Variants in PP2D1 observed in about 807,000 individuals in gnomAD.
PP2D1 encodes protein phosphatase 2C-like domain-containing protein 1.
In PP2D1, 25 loss-of-function variants were observed where a neutral mutation model predicts 30.2. That is an observed-to-expected ratio of 0.83 (90% CI 0.60 to 1.16). The LOEUF (loss-of-function observed/expected upper bound fraction) is 1.16, where lower values mean the gene tolerates loss of function less well. Ranked by LOEUF, PP2D1 falls within the 50% of genes most tolerant of loss-of-function variation. The probability of loss-of-function intolerance (pLI) is 0.00; values close to 1 mark genes in which losing one functional copy is unlikely to be tolerated. For synonymous variants in PP2D1, 260 were observed against 258.9 expected, an observed-to-expected ratio of 1.00 and a Z score of -0.04; for missense variants, 760 against 742.4, an observed-to-expected ratio of 1.02 and a Z score of -0.28.
At chr3:19,984,283 A>T (rs764777175), downstream of PP2D1, 5 of 429,874 alleles carry the variant, frequency 1.2e-5, no homozygotes, top group South Asian at 8.3e-5. Flanking sequence ...GCAAATGTTC[A>T]TTTCTCCTGG....
intron 2 of PP2D1, among the ~76,000 whole-genome samples, chr3:19,998,326 T>C (rs1304064589): frequency 6.9e-6 from 1 of 144,620 alleles, no homozygotes; most frequent in East Asian, 2.0e-4. Context: ...TGAGACTCCG[T>C]CTCAAAAAAA....
At chr3:20,011,570 G>A (rs547329640) in intron 1 of PP2D1, among the ~76,000 whole-genome samples, 1 of 152,026 alleles carries the variant, frequency 6.6e-6, no homozygotes, top group South Asian at 2.1e-4. Context: ...AGGCTGAGGC[G>A]GGCCTATCAC....
chr3:19,992,648 G>A (rs186104332), intron 2 of PP2D1, among the ~76,000 whole-genome samples: 12 of 152,276 alleles, frequency 7.9e-5, no homozygotes, highest in African/African-American at 2.9e-4. Flanking sequence ...CCTAAAAACA[G>A]GAGAAAGCTA....
intron 2 of PP2D1, among the ~76,000 whole-genome samples, chr3:19,995,635 T>C (rs1697170907): frequency 6.6e-6 from 1 of 152,148 alleles, no homozygotes; most frequent in Non-Finnish European, 1.5e-5. Context: ...CCACGATAAG[T>C]GAAAAGTCAA....
At chr3:19,983,933 A>G, downstream of PP2D1, 2 of 737,142 alleles carry the variant, frequency 2.7e-6, no homozygotes, top group South Asian at 1.8e-5. Flanking sequence ...GAGACTTATG[A>G]TAGAGTCAAG....
Position 19,985,594 on chromosome 3 carries a change from C to G in PP2D1, c.1679G>C (p.Arg560Pro), listed in dbSNP as rs746118438. The change falls in exon 3 of 3, where the codon CGT becomes CCT. Residue 560 changes from arginine to proline, a missense_variant. Coordinates refer to ENST00000389050, the MANE Select transcript of PP2D1 (RefSeq NM_001252657.2). ...AGTTACTTTTTCACTGCAAGGTTTA[C>G]GATGAGTCGTTTCTGCTGGAAATGT... ...VETFPAETTH[R>P]KPCSEKVTDR... 6.5e-7 allele frequency: 1 copy of G among 1,535,816 alleles called. No individual in the cohort carries two copies. The highest frequency in any genetic ancestry group is 1.4e-5 in the African/African-American group (1 of 72,998).
downstream of PP2D1, among the ~76,000 whole-genome samples, chr3:19,980,451 TTTTC>T (rs1410881509): frequency 1.1e-4 from 17 of 151,508 alleles, no homozygotes; most frequent in Admixed American, 2.0e-4. Flanking sequence ...GTAAATTTTT[TTTTC>T]TTTTTTTTTT....
At chr3:19,988,819 TG>T (rs1469370543) in intron 2 of PP2D1, among the ~76,000 whole-genome samples, 2 of 152,130 alleles carry the variant, frequency 1.3e-5, no homozygotes, top group African/African-American at 4.8e-5. Context: ...CATGAAATAT[TG>T]GGGGTGGTTC....
intron 2 of PP2D1, 113 bp downstream of exon 2, chr3:20,000,917 T>C (rs1036287540): frequency 1.8e-5 from 9 of 488,884 alleles, no homozygotes; most frequent in East Asian, 3.4e-5. Context: ...ATGCAATTTC[T>C]AGGTACTAAG....
chr3:19,993,390 G>A lies in PP2D1; in HGVS notation c.1091-7208C>T, dbSNP rs139801874. 9.2e-5 allele frequency among the ~76,000 whole-genome samples: 14 copies of A among 152,270 alleles called. No individual in the cohort carries two copies. The East Asian group carries it at 1.9e-3, about 21-fold the overall frequency. On this transcript the variant is annotated intron_variant, in intron 2 of 2. Coordinates refer to ENST00000389050, the MANE Select transcript of PP2D1 (RefSeq NM_001252657.2). ...ATGACTAAATTCAGGTATACCAAGAGCAGAAACCAGCTTTTACCTGAGACC... is the reference window on the plus strand; with the variant it reads ...ATGACTAAATTCAGGTATACCAAGAACAGAAACCAGCTTTTACCTGAGACC...
At chr3:19,995,219 A>C (rs1697166839) in intron 2 of PP2D1, among the ~76,000 whole-genome samples, 1 of 149,650 alleles carries the variant, frequency 6.7e-6, no homozygotes, top group South Asian at 2.1e-4. Context: ...TCTTATTGGC[A>C]AAAAAAAAAG....
At chr3:19,985,241 T>TATA, downstream of PP2D1, 1 of 653,952 alleles carries the variant, frequency 1.5e-6, no homozygotes, top group Non-Finnish European at 2.5e-6. Flanking sequence ...TGATACTATA[T>TATA]GACCTAGTAT....
intron 2 of PP2D1, among the ~76,000 whole-genome samples, chr3:19,992,646 C>G (rs1413632458): frequency 6.6e-6 from 1 of 152,140 alleles, no homozygotes; most frequent in African/African-American, 2.4e-5. Flanking sequence ...ATCCTAAAAA[C>G]AGGAGAAAGC....
At chr3:20,004,376 A>G (rs1697292915) in intron 1 of PP2D1, among the ~76,000 whole-genome samples, 1 of 152,246 alleles carries the variant, frequency 6.6e-6, no homozygotes, top group African/African-American at 2.4e-5. Context: ...ATTGCCTAAC[A>G]ATGCACTTCT....
rs374736864 is a variant in PP2D1 at position 20,004,229 on chromosome 3, A to G, written c.24-2133T>C. 1.4e-4 allele frequency among the ~76,000 whole-genome samples: 21 copies of G among 152,316 alleles called. No individual in the cohort carries two copies. In the East Asian group the frequency reaches 3.9e-3, roughly 28 times the overall value. ...TACTTACCATGTGTTACAATTGCCTACAGTATTCACTACAGTAACGCACTG... is the reference window on the plus strand; with the variant it reads ...TACTTACCATGTGTTACAATTGCCTGCAGTATTCACTACAGTAACGCACTG... On this transcript the variant is annotated intron_variant, in intron 1 of 2. Transcript: ENST00000389050.
At chr3:19,986,686 A>T (rs528120667) in intron 2 of PP2D1, among the ~76,000 whole-genome samples, 1 of 152,328 alleles carries the variant, frequency 6.6e-6, no homozygotes, top group East Asian at 1.9e-4. Context: ...AAAAATTAGA[A>T]TGTCACTATT....
downstream of PP2D1, chr3:19,984,327 ATAAAT>A (rs1696991451): frequency 2.4e-6 from 1 of 409,124 alleles, no homozygotes; most frequent in African/African-American, 2.1e-5. Context: ...CCACATTTTA[ATAAAT>A]TAACCACAAG....
At chr3:20,004,469 C>A (rs1382752103) in intron 1 of PP2D1, among the ~76,000 whole-genome samples, 1 of 152,036 alleles carries the variant, frequency 6.6e-6, no homozygotes, top group Non-Finnish European at 1.5e-5. Flanking sequence ...CACTTGTGTT[C>A]TAATTAGAGA....
chr3:19,987,078 G>A (rs13072891), intron 2 of PP2D1, among the ~76,000 whole-genome samples: 77,403 of 150,826 alleles, frequency 0.51, 21,079 homozygotes, highest in Non-Finnish European at 0.62. Context: ...GAAATATGTT[G>A]TTAATGTATT....
Sources: gnomAD v4.1 joint callset for allele counts (sites outside exome capture counted in the v4.1 genomes callset) on GRCh38, gnomAD v4.1.1 for gene constraint, MANE v1.5 for transcripts, NCBI Gene and HGNC (gene_info 2026-07-23, HGNC 2026-07-21) for gene names.